STK36: variants seen among roughly 807,000 people sequenced by gnomAD.
The protein encoded by STK36 is serine/threonine-protein kinase 36.
A neutral mutation model predicts 142.2 loss-of-function variants in STK36; 116 were observed. The ratio of observed to expected loss-of-function variants is 0.82; its 90% CI spans 0.70 to 0.95. The LOEUF is 0.95. STK36 is among the 40% of genes least tolerant of loss of function. The probability of loss-of-function intolerance (pLI) is 0.00; values close to 1 mark genes in which losing one functional copy is unlikely to be tolerated. For missense variants in STK36, 1,422 were observed against 1,617.2 expected, an observed-to-expected ratio of 0.88 and a Z score of 2.07; for synonymous variants, 619 against 641.7, an observed-to-expected ratio of 0.96 and a Z score of 0.53.
chr2:218,685,377 T>C (rs529660829), intron 11 of STK36, 149 bp downstream of exon 11: 126 of 1,039,664 alleles, frequency 1.2e-4, no homozygotes, highest in Non-Finnish European at 1.6e-4. Flanking sequence ...ACCAACCTCC[T>C]TTAGTAACAC....
chr2:218,682,729 G>A (rs1940582587), intron 10 of STK36, among the ~76,000 whole-genome samples: 1 of 152,060 alleles, frequency 6.6e-6, no homozygotes, highest in African/African-American at 2.4e-5. Context: ...GAGTAGCTGG[G>A]ACTACAGGCA....
chr2:218,679,857 T>C (rs200940648), intron 8 of STK36, 36 bp from the exon 9 acceptor site: 1 of 1,605,474 alleles, frequency 6.2e-7, no homozygotes, highest in African/African-American at 1.3e-5. Flanking sequence ...AGCAATCAAA[T>C]AGCTCTGATT....
chr2:218,699,353 A>G lies in STK36; in HGVS notation c.3804+5A>G, dbSNP rs1484679512. 3 of 1,610,570 alleles carry G rather than the reference A, an allele frequency of 1.9e-6. No individual in the cohort carries two copies. Among genetic ancestry groups the G allele is most frequent in the Non-Finnish European group, 2.5e-6 (3 of 1,178,622 alleles). On this transcript the variant is annotated splice_donor_5th_base_variant and intron_variant, in intron 26 of 26. Coordinates refer to ENST00000295709, the MANE Select transcript of STK36 (RefSeq NM_015690.5). The stretch of plus-strand genomic sequence containing the variant: ...CAGGAGCCTGGCATCCATCAGGTAT[A>G]CCCTACAGCACTTATGAACCATGAT...
Position 218,694,502 on chromosome 2 carries a change from C to A in STK36, c.2401-23C>A, listed in dbSNP as rs765926095. On this transcript the variant is annotated intron_variant, in intron 20 of 26. Coordinates refer to ENST00000295709, the MANE Select transcript of STK36 (RefSeq NM_015690.5). This position sits in a 1 kb window ranked among gnomAD's most constrained non-coding sequence, Gnocchi z 4.4. Reference sequence around the variant, plus strand: ...TGCCATTTAGATTTGGACATTCTTTCTCCTCTTTTACCTCTCCCACAGAGT... The same window carrying A: ...TGCCATTTAGATTTGGACATTCTTTATCCTCTTTTACCTCTCCCACAGAGT... The A allele has an allele frequency of 6.2e-7, 1 of 1,608,232 alleles. No individual in the cohort carries two copies. Among genetic ancestry groups the A allele is most frequent in the South Asian group, 1.1e-5 (1 of 90,920 alleles).
chr2:218,679,550 C>A lies in STK36; in HGVS notation c.779-10C>A. On this transcript the variant is annotated splice_polypyrimidine_tract_variant and intron_variant, in intron 7 of 26. Transcript: ENST00000295709. ...CATGATCATGTCTTCCTCCTCTTCC[C>A]TCCCTGCAGTAATAACTGAGCCAGC... 6.2e-7 allele frequency: 1 copy of A among 1,611,872 alleles called. No homozygotes were observed. Among genetic ancestry groups the A allele is most frequent in the South Asian group, 1.1e-5 (1 of 90,782 alleles).
chr2:218,676,193 T>G lies in STK36; in HGVS notation c.599T>G (p.Phe200Cys). 6.2e-7 allele frequency: 1 copy of G among 1,614,140 alleles called. No individual in the cohort carries two copies. Among genetic ancestry groups the G allele is most frequent in the African/African-American group, 1.3e-5 (1 of 75,034 alleles). ...GAACTGGCAGTAGGCACCCCTCCCT[T>G]CTATGCTACAAGCATCTTTCAGCTG... is the stretch of plus-strand genomic sequence containing the variant. Reference protein sequence around the residue: ...LYELAVGTPPFYATSIFQLVS... With the variant: ...LYELAVGTPPCYATSIFQLVS... Residue 200 changes from phenylalanine to cysteine, a missense_variant, in exon 6 of 27, where the codon TTC (phenylalanine) becomes TGC (cysteine). Coordinates refer to ENST00000295709, the MANE Select transcript of STK36 (RefSeq NM_015690.5).
chr2:218,689,496 T>G, intron 12 of STK36, among the ~76,000 whole-genome samples: 1 of 152,214 alleles, frequency 6.6e-6, no homozygotes, highest in East Asian at 1.9e-4. Context: ...TGGGGAATGT[T>G]TCAGAGTCAG....
Position 218,694,124 on chromosome 2 carries a change from C to T in STK36, c.2337-140C>T, listed in dbSNP as rs1174030870. 10 of 1,151,124 alleles carry T rather than the reference C, an allele frequency of 8.7e-6. No individual in the cohort carries two copies. Among genetic ancestry groups the T allele is most frequent in the East Asian group, 4.7e-5 (2 of 42,650 alleles). 71.3% of individuals were successfully genotyped at this position (1,151,124 alleles called of 1,614,324 possible). The stretch of plus-strand genomic sequence containing the variant: ...AGCGTGAAGCTTTCTCTACAAAGAA[C>T]AGACCTAGACTCCCATCAACTTTGT... On this transcript the variant is annotated intron_variant, in intron 19 of 26. Coordinates refer to ENST00000295709, the MANE Select transcript of STK36 (RefSeq NM_015690.5). This position sits in a 1 kb window ranked among gnomAD's most constrained non-coding sequence, Gnocchi z 4.4.
At position 218,702,157 on chromosome 2, in the gene STK36, T is replaced by G. The variant is rs546801926; in HGVS notation, c.*148T>G. On this transcript the variant is annotated 3_prime_UTR_variant, in exon 27 of 27. Coordinates refer to ENST00000295709, the MANE Select transcript of STK36 (RefSeq NM_015690.5). ...TGAGAACAAGAAACTAGAAGAGATTTATATATAAAGCTTCTTCCTTCTCCC... is the reference window on the plus strand; with the variant it reads ...TGAGAACAAGAAACTAGAAGAGATTGATATATAAAGCTTCTTCCTTCTCCC... 3 of 987,504 alleles carry G rather than the reference T, an allele frequency of 3.0e-6. No homozygotes were observed. In the East Asian group the frequency reaches 8.2e-5, roughly 27 times the overall value. 61.2% of individuals were successfully genotyped at this position (987,504 alleles called of 1,614,324 possible). A position where few individuals can be genotyped will look rare whatever the true frequency, so the allele number is the denominator to read the frequency against.
Position 218,698,726 on chromosome 2 carries a change from C to G in STK36, c.3182C>G (p.Thr1061Ser), listed in dbSNP as rs1482713010. Residue 1061 changes from threonine to serine, a missense_variant, in exon 26 of 27, where the codon ACC becomes AGC. By Grantham distance (58) the Thr-to-Ser change is moderately conservative (BLOSUM62 1). Transcript: ENST00000295709. ...AACACAGTGTCTGCCTCCCCTAGAACCATCGTCTCGTTTCTCTCAGTTGCC... is the reference window on the plus strand; with the variant it reads ...AACACAGTGTCTGCCTCCCCTAGAAGCATCGTCTCGTTTCTCTCAGTTGCC... ...FVNTVSASPR[T>S]IVSFLSVALL... The G allele has an allele frequency of 6.2e-7, 1 of 1,614,240 alleles. No individual in the cohort carries two copies.
intron 7 of STK36, 91 bp downstream of exon 7, chr2:218,679,352 A>G: frequency 7.3e-7 from 1 of 1,377,604 alleles, no homozygotes; most frequent in Non-Finnish European, 1.0e-6. Flanking sequence ...TAGATATAAC[A>G]TGTCGTCTTT....
chr2:218,679,094 T>A, intron 6 of STK36, 74 bp from the exon 7 acceptor site: 1 of 1,402,180 alleles, frequency 7.1e-7, no homozygotes, highest in South Asian at 1.2e-5. Flanking sequence ...ATTCTTGGTT[T>A]GCTAGTTCTG....
chr2:218,694,682 C>A lies in STK36; in HGVS notation c.2511+47C>A. The A allele has an allele frequency of 6.7e-7, 1 of 1,497,914 alleles. No homozygotes were observed. Among genetic ancestry groups the A allele is most frequent in the East Asian group, 2.3e-5 (1 of 44,072 alleles). The allele number at this position is 1,497,914 out of a possible 1,614,324, so 92.8% of individuals were successfully genotyped here. On this transcript the variant is annotated intron_variant, in intron 21 of 26. Transcript: ENST00000295709. This position sits in a 1 kb window ranked among gnomAD's most constrained non-coding sequence, Gnocchi z 4.4. ...ACAGACATGTTTTCTCTGAGTCAGA[C>A]ACTAGGACTGCATTCAAGGGGAAAA...
At position 218,679,428 on chromosome 2, in the gene STK36, C is replaced by G. The variant is rs899357851; in HGVS notation, c.779-132C>G. On this transcript the variant is annotated intron_variant, in intron 7 of 26. Coordinates refer to ENST00000295709, the MANE Select transcript of STK36 (RefSeq NM_015690.5). ...CCTTTGCCACTTCCCTTACAACCCACTCTCTCTCTGTCACTTTTTCAAAAT... is the reference window on the plus strand; with the variant it reads ...CCTTTGCCACTTCCCTTACAACCCAGTCTCTCTCTGTCACTTTTTCAAAAT... 2.8e-5 allele frequency: 37 copies of G among 1,309,290 alleles called. 1 individual carries two copies. The highest frequency in any genetic ancestry group is 3.9e-5 in the Non-Finnish European group (37 of 958,654). The allele number at this position is 1,309,290 out of a possible 1,614,324, so 81.1% of individuals were successfully genotyped here. A position where few individuals can be genotyped will look rare whatever the true frequency, so the allele number is the denominator to read the frequency against.
At chr2:218,701,438 C>T (rs970965547) in intron 26 of STK36, among the ~76,000 whole-genome samples, 3 of 151,712 alleles carry the variant, frequency 2.0e-5, no homozygotes, top group Admixed American at 1.3e-4. Context: ...CTTGCCTGGC[C>T]GATGGTGAAG....
intron 9 of STK36, 99 bp downstream of exon 9, chr2:218,680,179 G>T: frequency 8.8e-7 from 1 of 1,130,804 alleles, no homozygotes; most frequent in Non-Finnish European, 1.3e-6. Context: ...ACTAGCCACT[G>T]CCTAAACATG....
Position 218,688,681 on chromosome 2 carries a change from C to T in STK36, c.1381-16C>T, listed in dbSNP as rs370882111. ...TGAAAATATCAATCGTTGCCTCTTT[C>T]CCTCATGTCACCCAGATCCTGAAAG... On this transcript the variant is annotated splice_polypyrimidine_tract_variant and intron_variant, in intron 11 of 26. Transcript: ENST00000295709. 4.4e-6 allele frequency: 7 copies of T among 1,607,496 alleles called. No homozygotes were observed. Among genetic ancestry groups the T allele is most frequent in the Non-Finnish European group, 5.9e-6 (7 of 1,177,336 alleles).
At chr2:218,672,258 GAGA>G in intron 1 of STK36, 43 bp downstream of exon 1, 2 of 532,572 alleles carry the variant, frequency 3.8e-6, no homozygotes, top group South Asian at 4.6e-5. Flanking sequence ...GAGGCGGGTG[GAGA>G]AGAATTATAA....
intron 10 of STK36, among the ~76,000 whole-genome samples, chr2:218,683,328 G>A (rs888818633): frequency 1.5e-4 from 23 of 150,732 alleles, no homozygotes; most frequent in Admixed American, 4.0e-4. Flanking sequence ...GGGCTGGAGT[G>A]CAGTGGCACG....
Sources: allele counts gnomAD v4.1 joint callset (sites outside exome capture counted in the v4.1 genomes callset), GRCh38; gene constraint gnomAD v4.1.1; non-coding constraint Gnocchi (gnomAD v3.1); transcripts MANE v1.5; gene names NCBI Gene and HGNC (gene_info 2026-07-23, HGNC 2026-07-21).